Variants in RASSF8 observed in about 807,000 individuals in gnomAD.
RASSF8 encodes the protein Ras association domain family member 8, also known as ras association domain-containing protein 8.
Under a neutral mutation model 48.5 loss-of-function variants are expected in RASSF8, and 22 were observed. The observed-to-expected ratio is 0.45, with a 90% CI of 0.32 to 0.65. RASSF8 has a LOEUF of 0.65. Ranked by LOEUF, RASSF8 falls within the 30% of genes least tolerant of loss-of-function variation. RASSF8 has a pLI of 0.03. For missense variants in RASSF8, 418 were observed against 489.2 expected (o/e 0.85, Z 1.37); for synonymous variants, 127 against 171.5 (o/e 0.74, Z 2.03).
upstream of RASSF8, chr12:25,958,675 C>T (rs1402489914): frequency 6.8e-6 from 1 of 146,486 alleles, no homozygotes; most frequent in Non-Finnish European, 1.5e-5. Context: ...AGCCCGGCCC[C>T]CAGCCCAGAG....
chr12:25,987,037 C>T (rs571000677), intron 1 of RASSF8, among the ~76,000 whole-genome samples: 5 of 152,180 alleles, frequency 3.3e-5, no homozygotes, highest in South Asian at 2.1e-4. Flanking sequence ...CGGGTTCAAG[C>T]GATTCTCGTG....
rs1445101674 is a variant in RASSF8 at position 26,064,860 on chromosome 12, C to A, written c.466C>A (p.Leu156Met). 1.9e-6 allele frequency: 3 copies of A among 1,614,038 alleles called. No homozygotes were observed. Among genetic ancestry groups the A allele is most frequent in the Non-Finnish European group, 2.5e-6 (3 of 1,180,046 alleles). ...GKETEFKQKV[L>M]NNCKTTADEL... ...AGAAACTGAGTTTAAGCAAAAGGTG[C>A]TGAATAACTGCAAAACAACAGCAGA... The change falls in exon 4 of 6, where the codon CTG becomes ATG. Residue 156 changes from leucine (L) to methionine (M), a missense_variant. Transcript: ENST00000689635.
rs1943620558 is a variant in RASSF8, at chr12:26,057,086, C to T, written c.103+1640C>T. Among the ~76,000 whole-genome samples the T allele has an allele frequency of 6.3e-5, 8 of 126,516 alleles. No individual in the cohort carries two copies. In the Admixed American group the frequency reaches 7.1e-4, roughly 11 times the overall value. The allele number at this position is 126,516 out of a possible 152,430, so 83.0% of individuals were successfully genotyped here. ...GAGTAGTGCTATAAGCTGCATCTGTCCATAATGACACTTTTGTGTGTGTGT... is the reference window on the plus strand; with the variant it reads ...GAGTAGTGCTATAAGCTGCATCTGTTCATAATGACACTTTTGTGTGTGTGT... On this transcript the variant is annotated intron_variant, in intron 3 of 5. Transcript: ENST00000689635.
At chr12:26,068,568 A>C in intron 5 of RASSF8, 129 bp from the exon 6 acceptor site, 1 of 712,834 alleles carries the variant, frequency 1.4e-6, no homozygotes, top group Non-Finnish European at 2.3e-6. Flanking sequence ...AGCCCAGGGC[A>C]CACAGGGGAT....
chr12:26,058,090 C>T (rs150047998), intron 3 of RASSF8, among the ~76,000 whole-genome samples: 4 of 152,330 alleles, frequency 2.6e-5, no homozygotes, highest in Non-Finnish European at 5.9e-5. Context: ...GCCAAAAACA[C>T]ATTTTAACTA....
chr12:26,078,557 T>A (rs1944090514), intron 5 of RASSF8, among the ~76,000 whole-genome samples: 1 of 152,210 alleles, frequency 6.6e-6, no homozygotes, highest in African/African-American at 2.4e-5. Context: ...ACTTGATCAT[T>A]CTCAGATCTA....
chr12:26,016,900 CTAGTGGTT>C lies in RASSF8; in HGVS notation c.-109+21772_-109+21779del, dbSNP rs1942664810. ...AGTTGAGATCTTTTTCTTTTCATTT[CTAGTGGTT>C]TGTAAAATTGACCTAATTCTTTCAT... On this transcript the variant is annotated intron_variant, in intron 2 of 5. Coordinates refer to ENST00000689635, the MANE Select transcript of RASSF8 (RefSeq NM_001394098.1). Among the ~76,000 whole-genome samples, 10 of 152,122 alleles carry C rather than the reference CTAGTGGTT, an allele frequency of 6.6e-5. No homozygotes were observed. The South Asian group carries it at 2.1e-3, about 32-fold the overall frequency.
At chr12:26,045,120 G>A (rs1314325515) in intron 2 of RASSF8, among the ~76,000 whole-genome samples, 1 of 152,062 alleles carries the variant, frequency 6.6e-6, no homozygotes, top group Non-Finnish European at 1.5e-5. Context: ...TAGAGATTAG[G>A]AAAAAACTAA....
At chr12:26,028,209 A>G (rs1271200252) in intron 2 of RASSF8, among the ~76,000 whole-genome samples, 2 of 151,872 alleles carry the variant, frequency 1.3e-5, no homozygotes, top group Non-Finnish European at 2.9e-5. Flanking sequence ...CTTTCCCTGT[A>G]CTCTTTGGAA....
intron 1 of RASSF8, among the ~76,000 whole-genome samples, chr12:25,983,593 A>G (rs1304248610): frequency 6.6e-6 from 1 of 152,236 alleles, no homozygotes; most frequent in African/African-American, 2.4e-5. Context: ...GGTTACGACC[A>G]TAGTTTCGAA....
At chr12:26,010,437 G>T (rs77137972) in intron 2 of RASSF8, among the ~76,000 whole-genome samples, 6,967 of 152,212 alleles carry the variant, frequency 0.046, 189 homozygotes, top group Middle Eastern at 0.095. Flanking sequence ...GCATTGCCCA[G>T]GGTCATGCAG....
chr12:26,034,170 G>T (rs547829316), intron 2 of RASSF8, among the ~76,000 whole-genome samples: 1 of 152,176 alleles, frequency 6.6e-6, no homozygotes, highest in East Asian at 1.9e-4. Context: ...TGGGCAAATG[G>T]TAAGCACGTG....
intron 1 of RASSF8, among the ~76,000 whole-genome samples, chr12:25,980,985 A>C (rs1941728730): frequency 6.6e-6 from 1 of 152,176 alleles, no homozygotes; most frequent in Admixed American, 6.5e-5. Context: ...ATGGGTGGGT[A>C]CTTTTTATGG....
chr12:26,056,060 C>G (rs1016207773), intron 3 of RASSF8, among the ~76,000 whole-genome samples: 13 of 152,082 alleles, frequency 8.5e-5, no homozygotes, highest in African/African-American at 3.1e-4. Flanking sequence ...TGGTGCGCAC[C>G]TGTAATCCCA....
intron 2 of RASSF8, among the ~76,000 whole-genome samples, chr12:26,027,211 G>A (rs1942933422): frequency 6.6e-6 from 1 of 152,192 alleles, no homozygotes; most frequent in Non-Finnish European, 1.5e-5. Context: ...GGCAGTGAAT[G>A]CTAATAGGTA....
intron 2 of RASSF8, among the ~76,000 whole-genome samples, chr12:26,035,478 A>G (rs1303804022): frequency 8.5e-6 from 1 of 117,616 alleles, no homozygotes; most frequent in Admixed American, 9.8e-5. Context: ...ATATTATATA[A>G]TTATATAATT....
intron 2 of RASSF8, among the ~76,000 whole-genome samples, chr12:26,034,146 G>A (rs1353778644): frequency 1.3e-5 from 2 of 152,036 alleles, no homozygotes; most frequent in South Asian, 2.1e-4. Flanking sequence ...GTTGAAGAAC[G>A]GGCTGGAGTG....
intron 2 of RASSF8, among the ~76,000 whole-genome samples, chr12:26,004,624 T>C (rs1291041452): frequency 2.0e-5 from 3 of 152,312 alleles, no homozygotes; most frequent in Admixed American, 2.0e-4. Context: ...GACAGTGTTA[T>C]TAAGAAAATC....
chr12:25,962,639 G>T (rs73074882), intron 1 of RASSF8, among the ~76,000 whole-genome samples: 15,255 of 151,898 alleles, frequency 0.1, 814 homozygotes, highest in Middle Eastern at 0.14. Context: ...TGCCCAGTTG[G>T]TCTTAAACTC....
Sources: gnomAD v4.1 joint callset for allele counts (sites outside exome capture counted in the v4.1 genomes callset) on GRCh38, gnomAD v4.1.1 for gene constraint, MANE v1.5 for transcripts, NCBI Gene and HGNC (gene_info 2026-07-23, HGNC 2026-07-21) for gene names.